RHCE: variants seen among roughly 807,000 people sequenced by gnomAD.
The protein encoded by RHCE is Rh blood group CcEe antigens, also known as blood group Rh(CE) polypeptide.
A neutral mutation model predicts 43.8 loss-of-function variants in RHCE; 22 were observed. That is an observed-to-expected ratio of 0.50 (90% confidence interval 0.36 to 0.72). The LOEUF (loss-of-function observed/expected upper bound fraction) is 0.72, where lower values mean the gene tolerates loss of function less well. RHCE is among the 30% of genes least tolerant of loss of function. The pLI, the probability that RHCE is intolerant of heterozygous loss-of-function variation, is 0.00. For synonymous variants in RHCE, 156 were observed against 210.7 expected (o/e 0.74, Z 2.25); for missense variants, 385 against 525.4 (o/e 0.73, Z 2.61).
At position 25,362,348 on chromosome 1, in the gene RHCE, G is replaced by A. The variant is rs1645423636; in HGVS notation, c.*179C>T. The A allele has an allele frequency of 1.5e-6, 2 of 1,354,864 alleles. No individual in the cohort carries two copies. Among genetic ancestry groups the A allele is most frequent in the Non-Finnish European group, 2.0e-6 (2 of 983,292 alleles). The allele number at this position is 1,354,864 out of a possible 1,614,324, so 83.9% of individuals were successfully genotyped here. A position where few individuals can be genotyped will look rare whatever the true frequency, so the allele number is the denominator to read the frequency against. ...ACATTTATTTTAAACTTATTAAATT[G>A]ACTCTTAAACTAAGTTTTTAGTCTT... On this transcript the variant is annotated 3_prime_UTR_variant, in exon 10 of 10. Coordinates refer to ENST00000294413, the MANE Select transcript of RHCE (RefSeq NM_020485.8).
intron 1 of RHCE, among the ~76,000 whole-genome samples, chr1:25,419,428 A>G (rs1395069220): frequency 4.1e-4 from 63 of 152,028 alleles, no homozygotes; most frequent in Non-Finnish European, 7.4e-5. Flanking sequence ...TTCCCTCCCT[A>G]AGTCCTACTT....
chr1:25,402,893 G>A, intron 2 of RHCE, 147 bp from the exon 3 acceptor site: 2 of 1,176,120 alleles, frequency 1.7e-6, no homozygotes, highest in South Asian at 2.7e-5. Flanking sequence ...CCTGGGCGCT[G>A]ATGCTGCAGA....
chr1:25,371,883 T>A (rs905029558), intron 8 of RHCE, among the ~76,000 whole-genome samples: 1 of 151,370 alleles, frequency 6.6e-6, no homozygotes, highest in Non-Finnish European at 1.5e-5. Context: ...GTGAGATTCG[T>A]ATTTCCCTTT....
chr1:25,378,812 T>A (rs1645866025), intron 7 of RHCE, among the ~76,000 whole-genome samples: 1 of 152,320 alleles, frequency 6.6e-6, no homozygotes, highest in Middle Eastern at 3.4e-3. Flanking sequence ...ACAGGGGAAC[T>A]GTGAACAACA....
intron 1 of RHCE, among the ~76,000 whole-genome samples, chr1:25,417,055 C>G (rs2982352): frequency 2.0e-5 from 3 of 151,664 alleles, no homozygotes; most frequent in Admixed American, 6.6e-5. Flanking sequence ...TAATCCTTCT[C>G]TACTTTTTCT....
chr1:25,387,920 A>C (rs924495025), intron 6 of RHCE, among the ~76,000 whole-genome samples: 2 of 151,976 alleles, frequency 1.3e-5, no homozygotes, highest in South Asian at 2.1e-4. Flanking sequence ...TCCCAGGTTC[A>C]AGTGATTCTC....
chr1:25,390,700 G>A (rs372753208), intron 5 of RHCE, 49 bp downstream of exon 5: 2 of 1,609,520 alleles, frequency 1.2e-6, no homozygotes, highest in African/African-American at 2.7e-5. Context: ...AAATATGTGT[G>A]CTAGTCCTGT....
At chr1:25,421,267 A>G (rs1339406234), upstream of RHCE, among the ~76,000 whole-genome samples, 1 of 152,188 alleles carries the variant, frequency 6.6e-6, no homozygotes. Context: ...ACAACAATGT[A>G]TTGAATGAGA....
chr1:25,392,871 G>C (rs1312846279), intron 3 of RHCE, among the ~76,000 whole-genome samples: 1 of 152,000 alleles, frequency 6.6e-6, no homozygotes, highest in Non-Finnish European at 1.5e-5. Flanking sequence ...CCTATCAGTA[G>C]CTCTTATATG....
chr1:25,379,489 ATATATATTTTTTTTTT>A lies in RHCE; in HGVS notation c.1074-4077_1074-4062del, dbSNP rs1227003155. On this transcript the variant is annotated intron_variant, in intron 7 of 9. Transcript: ENST00000294413. Reference sequence around the variant, plus strand: ...TATATATATATATATATATATATATATATATATTTTTTTTTTTTTTTTTTTTTTTTTTAAAGATGGG... The same window carrying A: ...TATATATATATATATATATATATATATTTTTTTTTTTTTTTTAAAGATGGG... Among the ~76,000 whole-genome samples, 141 of 19,454 alleles carry A rather than the reference ATATATATTTTTTTTTT, an allele frequency of 7.2e-3. 1 individual carries two copies. The highest frequency in any genetic ancestry group is 0.044 in the African/African-American group (110 of 2,490). 12.8% of individuals were successfully genotyped at this position (19,454 alleles called of 152,430 possible).
At chr1:25,369,463 T>C (rs1253245254) in intron 9 of RHCE, among the ~76,000 whole-genome samples, 1 of 151,586 alleles carries the variant, frequency 6.6e-6, no homozygotes, top group African/African-American at 2.4e-5. Flanking sequence ...GAGTGCTGCG[T>C]GAACTATGAG....
At position 25,385,795 on chromosome 1, in the gene RHCE, G is replaced by T. The variant is rs1053372; in HGVS notation, c.989C>A (p.Ser330Tyr). 6.2e-7 allele frequency: 1 copy of T among 1,613,980 alleles called. No individual in the cohort carries two copies. Among genetic ancestry groups the T allele is most frequent in the South Asian group, 1.1e-5 (1 of 91,072 alleles). The part of the protein sequence containing the change: ...LGIHHISVMH[S>Y]IFSLLGLLGE... ...AAGCAGACCCAGCAAGCTGAAGATG[G>T]AGTGCATGACGGAGATGTGGTGAAT... Residue 330 changes from serine to tyrosine, a missense_variant, in exon 7 of 10, where the codon TCC (serine) becomes TAC (tyrosine). This residue lies in a region of RHCE where 82 missense variants were observed against 69.2 expected (regional missense o/e 1.18). Transcript: ENST00000294413.
intron 7 of RHCE, among the ~76,000 whole-genome samples, chr1:25,376,570 T>C (rs1343101067): frequency 1.3e-5 from 2 of 152,128 alleles, no homozygotes; most frequent in Non-Finnish European, 2.9e-5. Flanking sequence ...CCCTACCTCA[T>C]AAGATCATAG....
At chr1:25,393,513 T>A (rs1646443730) in intron 3 of RHCE, among the ~76,000 whole-genome samples, 1 of 152,142 alleles carries the variant, frequency 6.6e-6, no homozygotes, top group South Asian at 2.1e-4. Flanking sequence ...CCCATCTACC[T>A]GGGAGGCTGA....
intron 1 of RHCE, among the ~76,000 whole-genome samples, chr1:25,416,629 T>G (rs927558156): frequency 6.6e-6 from 1 of 152,090 alleles, no homozygotes; most frequent in African/African-American, 2.4e-5. Flanking sequence ...ATTTTCATTT[T>G]TTTTTGAGAC....
rs530861591 is a variant in RHCE, at chr1:25,386,587, A to G, written c.940-743T>C. 1.3e-4 allele frequency among the ~76,000 whole-genome samples: 20 copies of G among 152,258 alleles called. No individual in the cohort carries two copies. In the South Asian group the frequency reaches 3.5e-3, roughly 27 times the overall value. Reference sequence around the variant, plus strand: ...TGTAATCCCAGCACTTTGGGAGGCCAACGTGGGTGGATCACCTGAAGTCAA... The same window carrying G: ...TGTAATCCCAGCACTTTGGGAGGCCGACGTGGGTGGATCACCTGAAGTCAA... On this transcript the variant is annotated intron_variant, in intron 6 of 9. Coordinates refer to ENST00000294413, the MANE Select transcript of RHCE (RefSeq NM_020485.8).
At chr1:25,380,007 C>T (rs1010441705) in intron 7 of RHCE, among the ~76,000 whole-genome samples, 4 of 150,714 alleles carry the variant, frequency 2.7e-5, no homozygotes, top group Non-Finnish European at 4.4e-5. Context: ...TGTTCCAGCA[C>T]CAACTCAAAA....
At chr1:25,405,572 T>C (rs1216620393) in intron 2 of RHCE, among the ~76,000 whole-genome samples, 1 of 147,934 alleles carries the variant, frequency 6.8e-6, no homozygotes, top group Non-Finnish European at 1.5e-5. Context: ...GAGGATCACT[T>C]GAGCCCAGGA....
At chr1:25,405,482 G>A (rs973638091) in intron 2 of RHCE, among the ~76,000 whole-genome samples, 4 of 152,014 alleles carry the variant, frequency 2.6e-5, no homozygotes, top group Non-Finnish European at 4.4e-5. Flanking sequence ...GTGAAACCCC[G>A]TCTCTACTAA....
Sources: gnomAD v4.1 joint callset for allele counts (sites outside exome capture counted in the v4.1 genomes callset) on GRCh38, gnomAD v4.1.1 for gene constraint, gnomAD v4.1.1 regional missense constraint, MANE v1.5 for transcripts, NCBI Gene and HGNC (gene_info 2026-07-23, HGNC 2026-07-21) for gene names.